FRMD6: variants seen among roughly 807,000 people sequenced by gnomAD.
FRMD6 encodes the protein FERM domain-containing protein 6.
A neutral mutation model predicts 73.2 loss-of-function variants in FRMD6; 37 were observed. That is an observed-to-expected ratio of 0.51 (90% confidence interval 0.39 to 0.66). The LOEUF (loss-of-function observed/expected upper bound fraction) is 0.66, where lower values mean the gene tolerates loss of function less well. FRMD6 is among the 30% of genes least tolerant of loss of function. The pLI is 0.00. For missense variants in FRMD6, 714 were observed against 780.5 expected (o/e 0.91, Z 1.02); for synonymous variants, 273 against 282.2 (o/e 0.97, Z 0.33).
chr14:51,654,302 A>T (rs897537223), intron 1 of FRMD6, among the ~76,000 whole-genome samples: 8 of 70,418 alleles, frequency 1.1e-4, no homozygotes, highest in African/African-American at 3.8e-4. Flanking sequence ...AGGTTAGCTG[A>T]ATTGGGGGGG....
the FRMD6 span, among the ~76,000 whole-genome samples, chr14:51,414,190 G>T: frequency 2.0e-5 from 3 of 152,150 alleles, no homozygotes; most frequent in African/African-American, 7.2e-5. Flanking sequence ...GGCTTTTGTT[G>T]CCATTGCTTT....
At chr14:51,501,000 A>G (rs537450672) in intron 1 of FRMD6, among the ~76,000 whole-genome samples, 1 of 152,296 alleles carries the variant, frequency 6.6e-6, no homozygotes, top group South Asian at 2.1e-4. Flanking sequence ...ATCAGGGTGG[A>G]TTGGCATTAA....
At chr14:51,620,714 C>T (rs926471068) in intron 2 of FRMD6, among the ~76,000 whole-genome samples, 4 of 152,170 alleles carry the variant, frequency 2.6e-5, no homozygotes, top group African/African-American at 9.7e-5. Flanking sequence ...CAGTCCAGCC[C>T]CAGCAGGACC....
chr14:51,586,734 C>CTTATAA (rs1555324439), intron 2 of FRMD6, among the ~76,000 whole-genome samples: 1 of 150,590 alleles, frequency 6.6e-6, no homozygotes, highest in South Asian at 2.1e-4. Context: ...TTTACTTTAT[C>CTTATAA]TTATTATTAT....
At chr14:51,529,369 G>A (rs1450198673) in intron 1 of FRMD6, among the ~76,000 whole-genome samples, 1 of 152,180 alleles carries the variant, frequency 6.6e-6, no homozygotes, top group Admixed American at 6.5e-5. Flanking sequence ...AATTAAATGA[G>A]CTCATACATG....
At chr14:51,480,069 C>T in the FRMD6 span, among the ~76,000 whole-genome samples, 3 of 152,152 alleles carry the variant, frequency 2.0e-5, no homozygotes, top group East Asian at 3.8e-4. Flanking sequence ...GGGTGGATCA[C>T]TGAAGTCAGG....
At chr14:51,469,336 G>A in the FRMD6 span, among the ~76,000 whole-genome samples, 1 of 150,234 alleles carries the variant, frequency 6.7e-6, no homozygotes, top group East Asian at 2.0e-4. Context: ...TGTCATGGCT[G>A]GGCCCTATGG....
chr14:51,629,930 T>G (rs756879456), intron 2 of FRMD6, among the ~76,000 whole-genome samples: 30 of 152,204 alleles, frequency 2.0e-4, no homozygotes, highest in Non-Finnish European at 3.8e-4. Context: ...GGCTACTGGT[T>G]GTTAAGCTGC....
At chr14:51,505,534 T>A (rs967241241) in intron 1 of FRMD6, among the ~76,000 whole-genome samples, 1 of 152,004 alleles carries the variant, frequency 6.6e-6, no homozygotes, top group Non-Finnish European at 1.5e-5. Flanking sequence ...GGGGAAGAGC[T>A]TTTGGCAATC....
At position 51,711,626 on chromosome 14, in the gene FRMD6, G is replaced by A. The variant is rs758985904; in HGVS notation, c.780+30G>A. On this transcript the variant is annotated intron_variant, in intron 8 of 13. Coordinates refer to ENST00000344768, the MANE Select transcript of FRMD6 (RefSeq NM_001267046.2). Reference sequence around the variant, plus strand: ...GTAAATGAGAATTGTGTCAAATGCTGTCAGCCATGTCTTCTGTTTACAGCA... The same window carrying A: ...GTAAATGAGAATTGTGTCAAATGCTATCAGCCATGTCTTCTGTTTACAGCA... 4.7e-6 allele frequency: 7 copies of A among 1,479,216 alleles called. No homozygotes were observed. The East Asian group carries it at 9.0e-5, about 19-fold the overall frequency. The allele number at this position is 1,479,216 out of a possible 1,614,324, so 91.6% of individuals were successfully genotyped here. A position where few individuals can be genotyped will look rare whatever the true frequency, so the allele number is the denominator to read the frequency against.
At chr14:51,436,625 G>A in the FRMD6 span, 2 of 544,808 alleles carry the variant, frequency 3.7e-6, no homozygotes, top group Non-Finnish European at 3.4e-6. Flanking sequence ...AGCAGCATGC[G>A]GAACTAGAGA....
the FRMD6 span, among the ~76,000 whole-genome samples, chr14:51,405,639 C>T: frequency 3.9e-3 from 596 of 152,138 alleles, 2 homozygotes; most frequent in East Asian, 8.7e-3. Context: ...AGTTCACGTC[C>T]TCTGCCCACT....
At chr14:51,418,588 C>A in the FRMD6 span, among the ~76,000 whole-genome samples, 10 of 152,198 alleles carry the variant, frequency 6.6e-5, no homozygotes, top group Non-Finnish European at 7.3e-5. Flanking sequence ...AGGTGTCAGT[C>A]GGCCCCTACT....
At chr14:51,487,806 C>G (rs1243510644), upstream of FRMD6, among the ~76,000 whole-genome samples, 1 of 152,134 alleles carries the variant, frequency 6.6e-6, no homozygotes, top group African/African-American at 2.4e-5. Flanking sequence ...CATTTATTGG[C>G]CCTAGAAATC....
intron 1 of FRMD6, among the ~76,000 whole-genome samples, chr14:51,551,854 A>G (rs1400969035): frequency 2.0e-5 from 3 of 152,072 alleles, no homozygotes; most frequent in African/African-American, 7.2e-5. Context: ...ATATGTTAAA[A>G]TATTTTTAGT....
chr14:51,670,806 C>T (rs553210514), intron 1 of FRMD6, among the ~76,000 whole-genome samples: 9 of 151,922 alleles, frequency 5.9e-5, no homozygotes, highest in Admixed American at 2.6e-4. Context: ...CCACCACTCC[C>T]GGCTAATTTT....
At chr14:51,596,076 T>C (rs1359959013) in intron 2 of FRMD6, among the ~76,000 whole-genome samples, 1 of 152,234 alleles carries the variant, frequency 6.6e-6, no homozygotes, top group Non-Finnish European at 1.5e-5. Flanking sequence ...CCCACTGAGA[T>C]GCCTCTCTAG....
intron 1 of FRMD6, among the ~76,000 whole-genome samples, chr14:51,672,095 C>A (rs1004386192): frequency 2.0e-5 from 3 of 152,102 alleles, no homozygotes; most frequent in Non-Finnish European, 4.4e-5. Context: ...ATGGCTTTAC[C>A]AGTATGATCC....
intron 6 of FRMD6, among the ~76,000 whole-genome samples, chr14:51,707,196 G>A (rs938451314): frequency 1.3e-5 from 2 of 152,084 alleles, no homozygotes; most frequent in Non-Finnish European, 2.9e-5. Context: ...TGTAACTTGA[G>A]TTCTTAGCAG....
Sources: allele counts gnomAD v4.1 joint callset (sites outside exome capture counted in the v4.1 genomes callset), GRCh38; gene constraint gnomAD v4.1.1; transcripts MANE v1.5; gene names NCBI Gene and HGNC (gene_info 2026-07-23, HGNC 2026-07-21).